ZFHX3: variants seen among roughly 807,000 people sequenced by gnomAD.
ZFHX3 encodes the protein zinc finger homeobox protein 3.
A neutral mutation model predicts 279.1 loss-of-function variants in ZFHX3; 42 were observed. The observed-to-expected ratio is 0.15, with a 90% CI of 0.12 to 0.19. ZFHX3 has a LOEUF of 0.19. ZFHX3 is among the 10% of genes least tolerant of loss of function. ZFHX3 has a pLI of 1.00. For missense variants in ZFHX3, 4,981 were observed against 4,754.0 expected (o/e 1.05, Z -1.40); for synonymous variants, 2,293 against 1,957.8 (o/e 1.17, Z -4.52).
chr16:73,883,302 G>T (rs925830934), intron 1 of ZFHX3, among the ~76,000 whole-genome samples: 1 of 151,922 alleles, frequency 6.6e-6, no homozygotes, highest in Non-Finnish European at 1.5e-5. Context: ...TAAACAAAAG[G>T]AATTTGACGT....
At chr16:73,234,588 T>G (rs892704801) in intron 5 of ZFHX3, among the ~76,000 whole-genome samples, 8 of 152,198 alleles carry the variant, frequency 5.3e-5, no homozygotes, top group African/African-American at 1.7e-4. Context: ...AATAGGAAAT[T>G]CCACAGACAG....
chr16:73,044,192 G>C (rs923963050), intron 1 of ZFHX3, among the ~76,000 whole-genome samples: 1 of 152,062 alleles, frequency 6.6e-6, no homozygotes, highest in African/African-American at 2.4e-5. Context: ...GAGCTGTGCT[G>C]TGATTTCTAA....
At chr16:73,768,433 A>G (rs537787799) in intron 1 of ZFHX3, among the ~76,000 whole-genome samples, 2 of 152,344 alleles carry the variant, frequency 1.3e-5, no homozygotes, top group Non-Finnish European at 2.9e-5. Context: ...GTATTTACTG[A>G]GCCCAACCCC....
chr16:73,134,708 T>C (rs1394504222), intron 6 of ZFHX3: 3 of 152,008 alleles, frequency 2.0e-5, no homozygotes, highest in Non-Finnish European at 4.4e-5. Context: ...TTTTTAATTG[T>C]TTCCAAATAT....
At chr16:73,337,690 G>A (rs578028328) in intron 3 of ZFHX3, among the ~76,000 whole-genome samples, 123 of 151,850 alleles carry the variant, frequency 8.1e-4, no homozygotes, top group African/African-American at 2.9e-3. Context: ...TCTGCTGCTT[G>A]ACTTGCTCAC....
intron 2 of ZFHX3, among the ~76,000 whole-genome samples, chr16:73,579,584 C>G (rs1440428555): frequency 6.6e-6 from 1 of 150,664 alleles, no homozygotes; most frequent in Non-Finnish European, 1.5e-5. Flanking sequence ...TCACTGCAAG[C>G]TCCGCCTGCC....
intron 4 of ZFHX3, among the ~76,000 whole-genome samples, chr16:73,285,522 C>T (rs11149894): frequency 0.51 from 77,126 of 152,082 alleles, 19,708 homozygotes; most frequent in East Asian, 0.65. Context: ...TGTGTCAGGA[C>T]GGGGGATCTG....
intron 2 of ZFHX3, among the ~76,000 whole-genome samples, chr16:73,538,090 T>C (rs1432651948): frequency 6.6e-6 from 1 of 152,210 alleles, no homozygotes; most frequent in Admixed American, 6.5e-5. Context: ...CAAGTGATCA[T>C]ATAAGAACAT....
intron 1 of ZFHX3, among the ~76,000 whole-genome samples, chr16:73,884,609 G>A (rs1034647671): frequency 7.9e-5 from 12 of 152,166 alleles, no homozygotes; most frequent in Admixed American, 1.3e-4. Flanking sequence ...GACTATTCCC[G>A]AAATGACCAC....
chr16:73,398,840 CTT>C (rs1812115036), intron 3 of ZFHX3, among the ~76,000 whole-genome samples: 1 of 151,400 alleles, frequency 6.6e-6, no homozygotes, highest in Non-Finnish European at 1.5e-5. Context: ...CACAAGTACA[CTT>C]ATAAGTGGCA....
chr16:72,912,872 A>G (rs1008204141), intron 3 of ZFHX3, among the ~76,000 whole-genome samples: 7 of 152,072 alleles, frequency 4.6e-5, no homozygotes, highest in African/African-American at 1.4e-4. Context: ...CTATAAGCAC[A>G]CACCACCACA....
rs192146952 is a variant in ZFHX3 at position 73,831,632 on chromosome 16, C to G, written c.-1608+60019G>C. On this transcript the variant is annotated intron_variant, in intron 1 of 17. Coordinates refer to the ZFHX3 transcript ENST00000641206. Reference sequence around the variant, plus strand: ...ATCACACAGACAGTTAATCTCATATCTAATTATAAAATAATTGGCAATCCC... The same window carrying G: ...ATCACACAGACAGTTAATCTCATATGTAATTATAAAATAATTGGCAATCCC... Among the ~76,000 whole-genome samples, 47 of 152,328 alleles carry G rather than the reference C, an allele frequency of 3.1e-4. 1 individual carries two copies. The highest frequency in any genetic ancestry group is 3.4e-3 in the Middle Eastern group (1 of 294).
At chr16:73,338,154 G>A (rs1434642717) in intron 3 of ZFHX3, among the ~76,000 whole-genome samples, 1 of 152,102 alleles carries the variant, frequency 6.6e-6, no homozygotes, top group East Asian at 1.9e-4. Context: ...CGCACAGCCA[G>A]GCTGCCTGAC....
intron 3 of ZFHX3, among the ~76,000 whole-genome samples, chr16:73,391,451 C>A (rs200827635): frequency 1.3e-4 from 19 of 147,920 alleles, no homozygotes; most frequent in African/African-American, 2.0e-4. Context: ...AACTCTGTCT[C>A]AAAAAAAAAA....
chr16:72,961,858 C>T (rs1961594267), intron 1 of ZFHX3, among the ~76,000 whole-genome samples: 2 of 151,754 alleles, frequency 1.3e-5, no homozygotes, highest in African/African-American at 4.8e-5. Context: ...AAAGGACATA[C>T]TGACTTAAAA....
chr16:72,882,138 A>G (rs543060564), intron 4 of ZFHX3, among the ~76,000 whole-genome samples: 1 of 149,756 alleles, frequency 6.7e-6, no homozygotes, highest in Non-Finnish European at 1.5e-5. Context: ...TGTCTCTCCT[A>G]ATTCCAGGAA....
At chr16:73,652,986 A>C (rs1043375075) in intron 2 of ZFHX3, among the ~76,000 whole-genome samples, 1 of 152,176 alleles carries the variant, frequency 6.6e-6, no homozygotes, top group African/African-American at 2.4e-5. Context: ...TATAAAAGAC[A>C]TATCTACAAA....
At chr16:73,579,817 C>G (rs2143821272) in intron 2 of ZFHX3, among the ~76,000 whole-genome samples, 1 of 145,532 alleles carries the variant, frequency 6.9e-6, no homozygotes, top group East Asian at 2.0e-4. Flanking sequence ...AAAAAATTCT[C>G]AAATACTTTT....
At chr16:73,562,979 T>C (rs762431137) in intron 2 of ZFHX3, among the ~76,000 whole-genome samples, 6 of 152,118 alleles carry the variant, frequency 3.9e-5, no homozygotes, top group Non-Finnish European at 5.9e-5. Flanking sequence ...TTGCTTGAAA[T>C]ACGTGTAAAC....
Sources: gnomAD v4.1 joint callset for allele counts (sites outside exome capture counted in the v4.1 genomes callset) on GRCh38, gnomAD v4.1.1 for gene constraint, MANE v1.5 for transcripts, NCBI Gene and HGNC (gene_info 2026-07-23, HGNC 2026-07-21) for gene names.